SCML4: variants seen among roughly 807,000 people sequenced by gnomAD.
SCML4 encodes sex comb on midleg-like protein 4.
A neutral mutation model predicts 41.1 loss-of-function variants in SCML4; 34 were observed. The ratio of observed to expected loss-of-function variants is 0.83; its 90% CI spans 0.63 to 1.10. The LOEUF (loss-of-function observed/expected upper bound fraction) is 1.10. SCML4 is among the 50% of genes least tolerant of loss of function. The pLI, the probability that SCML4 is intolerant of heterozygous loss-of-function variation, is 0.00. For synonymous variants in SCML4, 214 were observed against 220.9 expected (o/e 0.97, Z 0.28); for missense variants, 522 against 534.1 (o/e 0.98, Z 0.22).
chr6:107,793,763 A>G (rs905425023), intron 1 of SCML4, among the ~76,000 whole-genome samples: 2 of 152,190 alleles, frequency 1.3e-5, no homozygotes, highest in Non-Finnish European at 2.9e-5. Flanking sequence ...CCTGGGCAAC[A>G]TGGTGAAACC....
the SCML4 span, among the ~76,000 whole-genome samples, chr6:107,832,356 G>A: frequency 6.6e-6 from 1 of 152,086 alleles, no homozygotes. Context: ...ATCATCTTAC[G>A]CCTGGCTTCC....
At chr6:107,811,863 T>C (rs1784181944) in intron 1 of SCML4, among the ~76,000 whole-genome samples, 1 of 152,198 alleles carries the variant, frequency 6.6e-6, no homozygotes, top group Admixed American at 6.5e-5. Context: ...CTGTGAGACA[T>C]GGACCAGTCG....
chr6:107,757,190 G>T (rs1219493721), intron 2 of SCML4, among the ~76,000 whole-genome samples: 1 of 152,106 alleles, frequency 6.6e-6, no homozygotes, highest in Non-Finnish European at 1.5e-5. Context: ...GGAATTTCTG[G>T]CTCCAGCTGT....
At chr6:107,831,411 C>CCAAAAAAAAAAA in the SCML4 span, among the ~76,000 whole-genome samples, 4 of 107,504 alleles carry the variant, frequency 3.7e-5, 2 homozygotes, top group Non-Finnish European at 3.7e-5. Flanking sequence ...TTTTCATTCT[C>CCAAAAAAAAAAA]AAAAAAAAAA....
At chr6:107,798,001 A>C (rs1004098786) in intron 1 of SCML4, among the ~76,000 whole-genome samples, 1 of 152,018 alleles carries the variant, frequency 6.6e-6, no homozygotes, top group African/African-American at 2.4e-5. Flanking sequence ...CCATTTTATG[A>C]GTTGATGAAT....
chr6:107,770,649 T>A (rs938772362), intron 2 of SCML4, among the ~76,000 whole-genome samples: 1 of 152,104 alleles, frequency 6.6e-6, no homozygotes, highest in African/African-American at 2.4e-5. Flanking sequence ...CTGACCTGAG[T>A]TGTCTCTGAG....
At chr6:107,844,344 C>T in the SCML4 span, among the ~76,000 whole-genome samples, 1 of 152,126 alleles carries the variant, frequency 6.6e-6, no homozygotes. Flanking sequence ...CTCTTTTTAC[C>T]TTAAATGTAT....
chr6:107,767,275 T>C (rs1291720349), intron 2 of SCML4, among the ~76,000 whole-genome samples: 1 of 152,086 alleles, frequency 6.6e-6, no homozygotes, highest in Admixed American at 6.5e-5. Context: ...ATCTTTAATG[T>C]CTGTAATACA....
At chr6:107,839,356 A>C in the SCML4 span, among the ~76,000 whole-genome samples, 4 of 88,208 alleles carry the variant, frequency 4.5e-5, no homozygotes, top group Admixed American at 3.4e-4. Flanking sequence ...AAAGAAAGAA[A>C]GAAAGAAAGA....
intron 2 of SCML4, among the ~76,000 whole-genome samples, chr6:107,762,467 C>A (rs554848257): frequency 6.6e-6 from 1 of 152,250 alleles, no homozygotes; most frequent in South Asian, 2.1e-4. Flanking sequence ...GTCCCTCAAA[C>A]ACATATTGAA....
At chr6:107,834,040 G>A in the SCML4 span, among the ~76,000 whole-genome samples, 2 of 152,168 alleles carry the variant, frequency 1.3e-5, no homozygotes, top group African/African-American at 4.8e-5. Flanking sequence ...GGAAGGAAAC[G>A]GGAATAAAAG....
intron 1 of SCML4, among the ~76,000 whole-genome samples, chr6:107,816,012 A>C (rs1226455287): frequency 6.6e-6 from 1 of 152,226 alleles, no homozygotes; most frequent in Non-Finnish European, 1.5e-5. Flanking sequence ...GCGCTACAGC[A>C]TGAAAGAGCT....
chr6:107,749,509 T>C (rs955235607), intron 3 of SCML4, among the ~76,000 whole-genome samples, 175 bp downstream of exon 3: 1 of 152,146 alleles, frequency 6.6e-6, no homozygotes, highest in African/African-American at 2.4e-5. Flanking sequence ...GTGGGACATA[T>C]AAACTGGTGC....
rs1416627943 is a variant in SCML4, at chr6:107,705,178, C to T, written c.*22G>A. The T allele has an allele frequency of 7.1e-6, 11 of 1,550,262 alleles. No individual in the cohort carries two copies. The highest frequency in any genetic ancestry group is 1.2e-5 in the South Asian group (1 of 84,012). ...TCTTGGGATCTGTTGTTTTGGGTTT[C>T]GCTTCTGTCTTTTTAAAAAAGTCAG... is the stretch of plus-strand genomic sequence containing the variant. On this transcript the variant is annotated 3_prime_UTR_variant, in exon 8 of 8. Transcript: ENST00000369020.
intron 2 of SCML4, chr6:107,755,636 G>C: frequency 7.5e-7 from 1 of 1,333,860 alleles, no homozygotes; most frequent in East Asian, 4.8e-5. Context: ...CTCTGGCAGG[G>C]CATTTGTCTT....
chr6:107,806,185 T>TCCCC (rs1562277630), intron 1 of SCML4, among the ~76,000 whole-genome samples: 1 of 5,936 alleles, frequency 1.7e-4, no homozygotes, highest in Admixed American at 4.5e-3. Flanking sequence ...AAACAGAGAT[T>TCCCC]TCCCCCCCCC....
the SCML4 span, among the ~76,000 whole-genome samples, chr6:107,831,128 A>G: frequency 6.6e-6 from 1 of 152,156 alleles, no homozygotes. Context: ...AATTTCTATG[A>G]AAGTGGTGTA....
intron 5 of SCML4, among the ~76,000 whole-genome samples, chr6:107,723,956 A>G (rs1775695206): frequency 6.6e-6 from 1 of 152,176 alleles, no homozygotes; most frequent in African/African-American, 2.4e-5. Flanking sequence ...AAAGATATAT[A>G]CACCATGACC....
chr6:107,773,270 C>G (rs1377223783), intron 1 of SCML4, among the ~76,000 whole-genome samples: 1 of 152,130 alleles, frequency 6.6e-6, no homozygotes, highest in Non-Finnish European at 1.5e-5. Flanking sequence ...CTACAATAAT[C>G]TTAGCATGGC....
Sources: allele counts gnomAD v4.1 joint callset (sites outside exome capture counted in the v4.1 genomes callset), GRCh38; gene constraint gnomAD v4.1.1; transcripts MANE v1.5; gene names NCBI Gene and HGNC (gene_info 2026-07-23, HGNC 2026-07-21).